The following MEGF10 variants were observed in gnomAD, a reference collection of about 807,000 sequenced individuals.
MEGF10 encodes multiple EGF like domains 10, also known as multiple epidermal growth factor-like domains protein 10.
In MEGF10, 86 loss-of-function variants were observed where a neutral mutation model predicts 147.5. The ratio of observed to expected loss-of-function variants is 0.58; its 90% CI spans 0.49 to 0.70. The LOEUF is 0.70. Among genes scored for constraint, MEGF10 ranks in the 30% least tolerant of loss-of-function variants. The pLI is 0.00. For missense variants in MEGF10, 1,329 were observed against 1,487.3 expected (o/e 0.89, Z 1.75); for synonymous variants, 478 against 525.5 (o/e 0.91, Z 1.24).
chr5:127,247,316 GAGAGAAGAAGAAGAAGA>G, the MEGF10 span, among the ~76,000 whole-genome samples: 2 of 117,420 alleles, frequency 1.7e-5, 1 homozygote, highest in Non-Finnish European at 3.4e-5. Flanking sequence ...GAGAGAAAGA[GAGAGAAGAAGAAGAAGA>G]AGAAGAAGAA....
chr5:127,253,007 A>G, the MEGF10 span, among the ~76,000 whole-genome samples: 1 of 152,086 alleles, frequency 6.6e-6, no homozygotes, highest in Non-Finnish European at 1.5e-5. Flanking sequence ...ACACAACACT[A>G]CAATTCATAC....
the MEGF10 span, among the ~76,000 whole-genome samples, chr5:127,257,168 A>G: frequency 2.6e-5 from 4 of 152,192 alleles, no homozygotes; most frequent in East Asian, 7.7e-4. Context: ...CTTCTTATAG[A>G]TGAAAAGTCT....
chr5:127,350,802 A>G (rs1263855145), intron 4 of MEGF10, among the ~76,000 whole-genome samples: 2 of 152,142 alleles, frequency 1.3e-5, no homozygotes, highest in East Asian at 3.8e-4. Context: ...TTGAAGTTGT[A>G]GTTTTTGTGG....
intron 1 of MEGF10, among the ~76,000 whole-genome samples, chr5:127,325,851 GTGTGTATATATATATATACATATA>G: frequency 1.6e-5 from 2 of 128,458 alleles, no homozygotes; most frequent in Non-Finnish European, 1.8e-5. Context: ...ATACATATAT[GTGTGTATATATATATATACATATA>G]TGTGTGTGTG....
chr5:127,258,776 TTCA>T, the MEGF10 span, among the ~76,000 whole-genome samples: 5 of 152,318 alleles, frequency 3.3e-5, no homozygotes, highest in East Asian at 9.6e-4. Flanking sequence ...TGTGATGCAT[TTCA>T]TCATGTGTGA....
At chr5:127,416,034 TGG>T (rs1561632875) in intron 9 of MEGF10, among the ~76,000 whole-genome samples, 29 of 132,622 alleles carry the variant, frequency 2.2e-4, no homozygotes, top group African/African-American at 8.1e-4. Context: ...TTTTTGTTTT[TGG>T]TTTTGTTTTT....
intron 6 of MEGF10, among the ~76,000 whole-genome samples, chr5:127,397,249 T>C (rs1417542157): frequency 6.6e-6 from 1 of 152,218 alleles, no homozygotes; most frequent in Non-Finnish European, 1.5e-5. Flanking sequence ...TTAAAAATAA[T>C]CCATAATAAA....
intron 2 of MEGF10, among the ~76,000 whole-genome samples, chr5:127,332,835 A>G (rs1761316079): frequency 1.3e-5 from 2 of 152,142 alleles, no homozygotes; most frequent in South Asian, 4.1e-4. Flanking sequence ...GTACAGGTCA[A>G]ATTTAGTAAA....
At chr5:127,439,598 A>G (rs371359206) in intron 17 of MEGF10, among the ~76,000 whole-genome samples, 8 of 152,340 alleles carry the variant, frequency 5.3e-5, no homozygotes, top group African/African-American at 1.9e-4. Context: ...CTTCTTAGAG[A>G]AAGGTACTTG....
Position 127,410,257 on chromosome 5 carries a change from G to T in MEGF10, c.918-132G>T, listed in dbSNP as rs899449287. On this transcript the variant is annotated intron_variant, in intron 8 of 24. Transcript: ENST00000503335. Reference sequence around the variant, plus strand: ...TTAACGCTTTTCATCCGTGTAATGGGACAATCACTAAATAATTGCAAGAGC... The same window carrying T: ...TTAACGCTTTTCATCCGTGTAATGGTACAATCACTAAATAATTGCAAGAGC... 16 of 762,724 alleles carry T rather than the reference G, an allele frequency of 2.1e-5. No individual in the cohort carries two copies. The African/African-American group carries it at 2.7e-4, about 13-fold the overall frequency. 47.2% of individuals were successfully genotyped at this position (762,724 alleles called of 1,614,324 possible).
At chr5:127,355,402 G>C (rs1326004712) in intron 4 of MEGF10, among the ~76,000 whole-genome samples, 1 of 152,236 alleles carries the variant, frequency 6.6e-6, no homozygotes, top group East Asian at 1.9e-4. Flanking sequence ...GCTAGTCAAA[G>C]AGAGCCTGAC....
intron 21 of MEGF10, 54 bp from the exon 22 acceptor site, chr5:127,449,045 G>A: frequency 6.2e-7 from 1 of 1,604,706 alleles, no homozygotes; most frequent in Non-Finnish European, 8.5e-7. Context: ...ATAACGCTGT[G>A]CTGTGCCGCA....
At chr5:127,246,676 T>C in the MEGF10 span, among the ~76,000 whole-genome samples, 1 of 150,236 alleles carries the variant, frequency 6.7e-6, no homozygotes, top group Non-Finnish European at 1.5e-5. Context: ...GTTGTGAAAC[T>C]AAGTGAAATT....
the MEGF10 span, among the ~76,000 whole-genome samples, chr5:127,261,736 AT>A: frequency 2.0e-5 from 3 of 152,142 alleles, no homozygotes; most frequent in Non-Finnish European, 4.4e-5. Context: ...GAAGGTTCCA[AT>A]TTCTCCACAT....
chr5:127,451,379 T>C (rs1304529868), intron 22 of MEGF10, among the ~76,000 whole-genome samples: 3 of 152,226 alleles, frequency 2.0e-5, no homozygotes, highest in African/African-American at 7.2e-5. Context: ...TCACGCTCGC[T>C]GTACAAATTC....
intron 1 of MEGF10, among the ~76,000 whole-genome samples, chr5:127,316,315 G>A (rs916597504): frequency 6.6e-6 from 1 of 152,170 alleles, no homozygotes; most frequent in Admixed American, 6.5e-5. Flanking sequence ...ATGCAGCCAT[G>A]TTTGAGCAGG....
At chr5:127,380,811 C>G (rs183927978) in intron 5 of MEGF10, among the ~76,000 whole-genome samples, 39 of 152,274 alleles carry the variant, frequency 2.6e-4, no homozygotes, top group Admixed American at 9.2e-4. Flanking sequence ...GCCACCGCGC[C>G]CAGCTGACAC....
intron 1 of MEGF10, among the ~76,000 whole-genome samples, chr5:127,308,990 A>G (rs1197077573): frequency 6.6e-6 from 1 of 152,144 alleles, no homozygotes; most frequent in African/African-American, 2.4e-5. Context: ...ATCTGTAACG[A>G]GATGTAAAAT....
the MEGF10 span, chr5:127,229,923 G>T: frequency 2.0e-5 from 3 of 152,180 alleles, no homozygotes; most frequent in Non-Finnish European, 4.4e-5. Context: ...GACACTTGGA[G>T]AATTCTGTTT....
Sources: gnomAD v4.1 joint callset for allele counts (sites outside exome capture counted in the v4.1 genomes callset) on GRCh38, gnomAD v4.1.1 for gene constraint, MANE v1.5 for transcripts, NCBI Gene and HGNC (gene_info 2026-07-23, HGNC 2026-07-21) for gene names.